The following KCNK10 variants were observed in gnomAD, a reference collection of about 807,000 sequenced individuals.
The protein encoded by KCNK10 is potassium two pore domain channel subfamily K member 10, also known as potassium channel subfamily K member 10.
KCNK10 carries 25 observed loss-of-function variants against 47.7 expected under a neutral mutation model. That is an observed-to-expected ratio of 0.52 (90% CI 0.38 to 0.73). The LOEUF (loss-of-function observed/expected upper bound fraction) is 0.73, where lower values mean the gene tolerates loss of function less well. Ranked by LOEUF, KCNK10 falls within the 30% of genes least tolerant of loss-of-function variation. KCNK10 has a pLI of 0.00. For missense variants in KCNK10, 563 were observed against 714.5 expected, an observed-to-expected ratio of 0.79 and a Z score of 2.42; for synonymous variants, 303 against 285.6, an observed-to-expected ratio of 1.06 and a Z score of -0.61.
chr14:88,245,514 T>C (rs1886609925), intron 2 of KCNK10, among the ~76,000 whole-genome samples: 1 of 152,176 alleles, frequency 6.6e-6, no homozygotes, highest in African/African-American at 2.4e-5. Context: ...CAACGCCAGC[T>C]ACATGAATCA....
chr14:88,218,216 T>C (rs1885686258), intron 4 of KCNK10, among the ~76,000 whole-genome samples: 1 of 152,194 alleles, frequency 6.6e-6, no homozygotes, highest in South Asian at 2.1e-4. Context: ...AGCTCAAAGA[T>C]GCCTTGGGAG....
intron 5 of KCNK10, among the ~76,000 whole-genome samples, chr14:88,191,004 T>C (rs966436103): frequency 6.6e-6 from 1 of 152,100 alleles, no homozygotes; most frequent in African/African-American, 2.4e-5. Context: ...CCCAGCACTT[T>C]GGCAGGCCGA....
At chr14:88,305,468 G>A (rs1208134310) in intron 1 of KCNK10, among the ~76,000 whole-genome samples, 1 of 152,096 alleles carries the variant, frequency 6.6e-6, no homozygotes, top group Non-Finnish European at 1.5e-5. Context: ...CATGCTGCAT[G>A]GATCACTCAC....
chr14:88,259,953 T>C (rs567751811), intron 2 of KCNK10, among the ~76,000 whole-genome samples: 2 of 152,262 alleles, frequency 1.3e-5, no homozygotes, highest in South Asian at 2.1e-4. Context: ...TTTGTTTTTG[T>C]TTTTGTTTTG....
At chr14:88,198,324 T>G (rs969725864) in intron 4 of KCNK10, among the ~76,000 whole-genome samples, 1 of 152,180 alleles carries the variant, frequency 6.6e-6, no homozygotes, top group African/African-American at 2.4e-5. Context: ...ATGGGACACC[T>G]GCTGATGAGC....
intron 1 of KCNK10, among the ~76,000 whole-genome samples, chr14:88,281,830 TTGTGTG>T (rs10541411): frequency 1.2e-4 from 18 of 148,330 alleles, no homozygotes; most frequent in African/African-American, 4.0e-4. Flanking sequence ...CAAGATACAT[TTGTGTG>T]TGTGTGTGTG....
chr14:88,198,412 C>A (rs1884991257), intron 4 of KCNK10, among the ~76,000 whole-genome samples: 1 of 152,170 alleles, frequency 6.6e-6, no homozygotes, highest in Admixed American at 6.5e-5. Flanking sequence ...CTAAATTTAT[C>A]CTACTCAAAT....
chr14:88,192,257 G>A lies in KCNK10; in HGVS notation c.835C>T (p.Leu279=), dbSNP rs1032153995. ...AAATCACCAAAGCCCACCGTGGTCAGAGTGACCACCACAAAGTAAATGGAC... is the reference window on the plus strand; with the variant it reads ...AAATCACCAAAGCCCACCGTGGTCAAAGTGACCACCACAAAGTAAATGGAC... ...LESIYFVVVT[L]TTVGFGDFVA... The change falls in exon 5 of 7, where the codon CTG becomes TTG. Residue 279 remains leucine, a synonymous_variant. Transcript: ENST00000319231. 5 of 1,613,724 alleles carry A rather than the reference G, an allele frequency of 3.1e-6. No individual in the cohort carries two copies. The highest frequency in any genetic ancestry group is 4.2e-6 in the Non-Finnish European group (5 of 1,179,882).
intron 1 of KCNK10, among the ~76,000 whole-genome samples, chr14:88,294,677 GACC>G (rs773260637): frequency 6.6e-5 from 10 of 152,176 alleles, no homozygotes; most frequent in Non-Finnish European, 1.5e-4. Flanking sequence ...ATGGGCAAAG[GACC>G]ACAAGAGATT....
chr14:88,185,568 C>T lies in KCNK10; in HGVS notation c.1599G>A (p.Pro533=), dbSNP rs746980320. 55 of 1,613,710 alleles carry T rather than the reference C, an allele frequency of 3.4e-5. No individual in the cohort carries two copies. Among genetic ancestry groups the T allele is most frequent in the Admixed American group, 6.7e-5 (4 of 59,978 alleles). ...TGTCTTCAAGTAATGAGTTGTTCTC[C>T]GGCTCCCGGTCTTTGGTGTCCGTGG... The part of the protein sequence containing the change: ...MIPTDTKDRE[P]ENNSLLEDRN Residue 533 remains proline (P), a synonymous_variant, in exon 7 of 7, where the codon CCG becomes CCA. Coordinates refer to ENST00000319231, the MANE Select transcript of KCNK10 (RefSeq NM_138317.3). This position sits in a 1 kb window ranked among gnomAD's most constrained non-coding sequence, Gnocchi z 4.3.
intron 2 of KCNK10, among the ~76,000 whole-genome samples, chr14:88,251,232 C>CAAAAAAAAA (rs1160023262): frequency 2.8e-5 from 2 of 70,202 alleles, no homozygotes; most frequent in African/African-American, 1.2e-4. Flanking sequence ...GACTCTGTCT[C>CAAAAAAAAA]AAAAAAAAAA....
At chr14:88,291,907 A>T in intron 1 of KCNK10, among the ~76,000 whole-genome samples, 1 of 139,744 alleles carries the variant, frequency 7.2e-6, no homozygotes, top group South Asian at 2.4e-4. Context: ...AGCCTTCAGA[A>T]AAAAGCCTTC....
At chr14:88,263,156 C>T in intron 2 of KCNK10, 46 bp downstream of exon 2, 2 of 1,485,264 alleles carry the variant, frequency 1.3e-6, no homozygotes, top group Non-Finnish European at 1.8e-6. Context: ...CCAACACTGC[C>T]ATCCACCCCA....
At chr14:88,314,137 T>C (rs144680283) in intron 1 of KCNK10, among the ~76,000 whole-genome samples, 79 of 152,358 alleles carry the variant, frequency 5.2e-4, no homozygotes, top group Non-Finnish European at 9.3e-4. Flanking sequence ...ATGGTCTGAA[T>C]GTGTCCCCCC....
At chr14:88,209,085 T>C (rs1443329764) in intron 4 of KCNK10, among the ~76,000 whole-genome samples, 1 of 152,166 alleles carries the variant, frequency 6.6e-6, no homozygotes, top group East Asian at 1.9e-4. Flanking sequence ...TAATACAGTA[T>C]CTAAACAGAA....
At chr14:88,223,827 C>T (rs571009278) in intron 4 of KCNK10, among the ~76,000 whole-genome samples, 1 of 152,194 alleles carries the variant, frequency 6.6e-6, no homozygotes, top group South Asian at 2.1e-4. Context: ...GGTGAATTCA[C>T]TTTTGGTTCT....
At chr14:88,314,855 G>A (rs1311156564) in intron 1 of KCNK10, among the ~76,000 whole-genome samples, 1 of 152,194 alleles carries the variant, frequency 6.6e-6, no homozygotes, top group East Asian at 1.9e-4. Context: ...ACAAACCAAA[G>A]AAGTAATGGC....
At chr14:88,252,099 T>C (rs1886815109) in intron 2 of KCNK10, among the ~76,000 whole-genome samples, 1 of 152,060 alleles carries the variant, frequency 6.6e-6, no homozygotes, top group Admixed American at 6.6e-5. Flanking sequence ...TTTTTTAATA[T>C]AGATGGGGTT....
intron 2 of KCNK10, among the ~76,000 whole-genome samples, chr14:88,241,294 C>A (rs1381963829): frequency 6.6e-6 from 1 of 152,250 alleles, no homozygotes; most frequent in African/African-American, 2.4e-5. Context: ...CCGTTATTAA[C>A]TTCAGAACCT....
Sources: allele counts gnomAD v4.1 joint callset (sites outside exome capture counted in the v4.1 genomes callset), GRCh38; gene constraint gnomAD v4.1.1; non-coding constraint Gnocchi (gnomAD v3.1); transcripts MANE v1.5; gene names NCBI Gene and HGNC (gene_info 2026-07-23, HGNC 2026-07-21).